CLIC5: variants seen among roughly 807,000 people sequenced by gnomAD.
CLIC5 encodes chloride intracellular channel protein 5.
A neutral mutation model predicts 24.7 loss-of-function variants in CLIC5; 20 were observed. That is an observed-to-expected ratio of 0.81 (90% CI 0.57 to 1.18). The LOEUF (loss-of-function observed/expected upper bound fraction) is 1.18, where lower values mean the gene tolerates loss of function less well. Ranked by LOEUF, CLIC5 falls within the 50% of genes most tolerant of loss-of-function variation. The pLI is 0.00. For synonymous variants in CLIC5, 159 were observed against 135.6 expected, an observed-to-expected ratio of 1.17 and a Z score of -1.20; for missense variants, 341 against 326.1, an observed-to-expected ratio of 1.05 and a Z score of -0.35.
chr6:45,971,236 C>G (rs1315397076), intron 1 of CLIC5, among the ~76,000 whole-genome samples: 1 of 152,178 alleles, frequency 6.6e-6, no homozygotes, highest in Non-Finnish European at 1.5e-5. Context: ...TGTGAAAATG[C>G]ATTTCCAGTT....
At chr6:46,125,871 T>C in the CLIC5 span, among the ~76,000 whole-genome samples, 10 of 152,164 alleles carry the variant, frequency 6.6e-5, no homozygotes, top group Non-Finnish European at 1.2e-4. Flanking sequence ...CAATTGTTGC[T>C]GAAACAGGGA....
chr6:45,912,213 T>G, intron 5 of CLIC5: 1 of 987,648 alleles, frequency 1.0e-6, no homozygotes, highest in Non-Finnish European at 1.2e-6. Flanking sequence ...CTTTAGAGGT[T>G]TGCCAGGTTT....
intron 6 of CLIC5, among the ~76,000 whole-genome samples, chr6:45,883,564 C>T (rs2127280150): frequency 6.6e-6 from 1 of 152,296 alleles, no homozygotes; most frequent in Admixed American, 6.5e-5. Flanking sequence ...AATCAAGGCA[C>T]ATTTACTAAG....
At chr6:46,127,903 C>T in the CLIC5 span, among the ~76,000 whole-genome samples, 1 of 152,106 alleles carries the variant, frequency 6.6e-6, no homozygotes, top group Non-Finnish European at 1.5e-5. Context: ...TACATGGTTC[C>T]TGTTGCTGCT....
At chr6:46,077,025 T>A (rs1762788765) in intron 1 of CLIC5, among the ~76,000 whole-genome samples, 1 of 151,732 alleles carries the variant, frequency 6.6e-6, no homozygotes, top group South Asian at 2.1e-4. Flanking sequence ...TAATCTAAGC[T>A]ACTCGGGAGG....
chr6:45,939,440 CCTT>C (rs938695422), intron 4 of CLIC5, among the ~76,000 whole-genome samples: 1 of 152,008 alleles, frequency 6.6e-6, no homozygotes, highest in African/African-American at 2.4e-5. Context: ...GATCCACCCA[CCTT>C]GGCCTCCTAC....
chr6:45,928,067 T>C (rs1366290624), intron 4 of CLIC5, among the ~76,000 whole-genome samples: 2 of 152,144 alleles, frequency 1.3e-5, no homozygotes, highest in African/African-American at 4.8e-5. Flanking sequence ...GAAACAAGCT[T>C]GAGATGGGGT....
intron 2 of CLIC5, among the ~76,000 whole-genome samples, chr6:45,954,365 T>C (rs897041080): frequency 4.6e-5 from 7 of 152,092 alleles, no homozygotes; most frequent in African/African-American, 1.7e-4. Context: ...CAAATTGATG[T>C]ATGCAATGTT....
At chr6:46,086,294 C>T in the CLIC5 span, among the ~76,000 whole-genome samples, 63 of 152,354 alleles carry the variant, frequency 4.1e-4, no homozygotes, top group South Asian at 8.3e-4. Flanking sequence ...GAGATGAACC[C>T]GGTACCTCAG....
chr6:45,888,411 G>A (rs1453987879), intron 6 of CLIC5, among the ~76,000 whole-genome samples: 5 of 152,122 alleles, frequency 3.3e-5, no homozygotes, highest in Non-Finnish European at 1.5e-5. Flanking sequence ...GAGAGATAAT[G>A]CTAGCAATGG....
At chr6:46,038,532 G>A (rs959662719) in intron 1 of CLIC5, among the ~76,000 whole-genome samples, 2 of 152,190 alleles carry the variant, frequency 1.3e-5, no homozygotes, top group Non-Finnish European at 2.9e-5. Context: ...ATGAACAATG[G>A]AAATGAGAGT....
At chr6:45,913,094 T>C (rs549327108) in intron 5 of CLIC5, among the ~76,000 whole-genome samples, 2 of 152,296 alleles carry the variant, frequency 1.3e-5, no homozygotes, top group South Asian at 4.2e-4. Context: ...CAGTGAAGCA[T>C]AGAAATAAAC....
At chr6:45,922,195 G>C (rs1428794540) in intron 4 of CLIC5, among the ~76,000 whole-genome samples, 6 of 152,204 alleles carry the variant, frequency 3.9e-5, no homozygotes, top group South Asian at 2.1e-4. Flanking sequence ...TAAATGACAA[G>C]CTCCTATAGT....
At chr6:45,974,893 A>T (rs1364033248) in intron 1 of CLIC5, among the ~76,000 whole-genome samples, 1 of 152,162 alleles carries the variant, frequency 6.6e-6, no homozygotes, top group Middle Eastern at 3.2e-3. Context: ...GCAAAGATGG[A>T]CTACAAATCA....
At chr6:46,075,600 AC>A (rs1336898214) in intron 1 of CLIC5, among the ~76,000 whole-genome samples, 1 of 152,102 alleles carries the variant, frequency 6.6e-6, no homozygotes, top group Non-Finnish European at 1.5e-5. Flanking sequence ...AAAAACGAAA[AC>A]AAAAACCTGC....
At chr6:45,894,215 G>C (rs1409769846), downstream of CLIC5, among the ~76,000 whole-genome samples, 1 of 152,232 alleles carries the variant, frequency 6.6e-6, no homozygotes, top group African/African-American at 2.4e-5. Flanking sequence ...GTGATGATGT[G>C]AGAAAATTAG....
intron 3 of CLIC5, among the ~76,000 whole-genome samples, chr6:45,945,304 C>T (rs1254798526): frequency 1.3e-5 from 2 of 152,178 alleles, no homozygotes; most frequent in African/African-American, 4.8e-5. Context: ...CTAGAGAATT[C>T]AGGTCATTTG....
At chr6:46,022,880 T>A (rs756375769) in intron 1 of CLIC5, among the ~76,000 whole-genome samples, 110 of 152,214 alleles carry the variant, frequency 7.2e-4, no homozygotes, top group Non-Finnish European at 1.4e-3. Flanking sequence ...ATGAGCAGTC[T>A]TAGTTCCTGT....
the CLIC5 span, among the ~76,000 whole-genome samples, chr6:46,089,768 C>T: frequency 7.2e-5 from 11 of 152,040 alleles, no homozygotes; most frequent in African/African-American, 2.4e-4. Context: ...AAATAATGTA[C>T]GGGTAACATG....
Sources: allele counts gnomAD v4.1 joint callset (sites outside exome capture counted in the v4.1 genomes callset), GRCh38; gene constraint gnomAD v4.1.1; transcripts MANE v1.5; gene names NCBI Gene and HGNC (gene_info 2026-07-23, HGNC 2026-07-21).